FSTL4: variants seen among roughly 807,000 people sequenced by gnomAD.
The protein encoded by FSTL4 is follistatin like 4, also known as follistatin-related protein 4.
A neutral mutation model predicts 78.2 loss-of-function variants in FSTL4; 28 were observed. The ratio of observed to expected loss-of-function variants is 0.36; its 90% CI spans 0.27 to 0.49. The LOEUF is 0.49. Among genes scored for constraint, FSTL4 ranks in the 20% least tolerant of loss-of-function variants. The pLI is 0.98. For synonymous variants in FSTL4, 422 were observed against 440.5 expected (o/e 0.96, Z 0.53); for missense variants, 922 against 1,084.9 (o/e 0.85, Z 2.11).
intron 8 of FSTL4, among the ~76,000 whole-genome samples, chr5:133,228,720 CAATA>C (rs1751404627): frequency 6.6e-6 from 1 of 150,634 alleles, no homozygotes; most frequent in African/African-American, 2.4e-5. Context: ...GAAAATCCCT[CAATA>C]AAATAGGAAC....
At chr5:133,221,909 T>TTG (rs1751134600) in intron 11 of FSTL4, among the ~76,000 whole-genome samples, 1 of 114,460 alleles carries the variant, frequency 8.7e-6, no homozygotes, top group African/African-American at 4.4e-5. Flanking sequence ...TTTTTTTTTT[T>TTG]TTTTTTTTTT....
chr5:133,703,416 CTG>C, the FSTL4 span, among the ~76,000 whole-genome samples: 1 of 152,182 alleles, frequency 6.6e-6, no homozygotes, highest in African/African-American at 2.4e-5. Flanking sequence ...TCTCTGTGGA[CTG>C]TCACTTAGAC....
At chr5:133,702,492 T>C in the FSTL4 span, among the ~76,000 whole-genome samples, 1 of 151,504 alleles carries the variant, frequency 6.6e-6, no homozygotes, top group Non-Finnish European at 1.5e-5. Context: ...GCCCCCGGAG[T>C]CCGGGGGCTT....
At chr5:133,463,369 C>T (rs1459127051) in intron 3 of FSTL4, among the ~76,000 whole-genome samples, 2 of 152,184 alleles carry the variant, frequency 1.3e-5, no homozygotes, top group African/African-American at 4.8e-5. Flanking sequence ...GTTCCCCACC[C>T]CCTACACCAA....
chr5:133,691,329 A>G, the FSTL4 span, among the ~76,000 whole-genome samples: 4 of 152,118 alleles, frequency 2.6e-5, no homozygotes, highest in Non-Finnish European at 5.9e-5. Flanking sequence ...GAAACAATGT[A>G]TCTCTAATGT....
chr5:133,697,701 G>A, the FSTL4 span, among the ~76,000 whole-genome samples: 1 of 152,206 alleles, frequency 6.6e-6, no homozygotes, highest in Non-Finnish European at 1.5e-5. Context: ...GCAGGCTCTG[G>A]CCCTCAGAGG....
chr5:133,636,148 T>C, the FSTL4 span, among the ~76,000 whole-genome samples: 33 of 152,290 alleles, frequency 2.2e-4, no homozygotes, highest in South Asian at 6.4e-3. Context: ...GTAGAAGATA[T>C]TTACTGGCTT....
chr5:133,419,853 A>G (rs1177132362), intron 3 of FSTL4, among the ~76,000 whole-genome samples: 1 of 152,196 alleles, frequency 6.6e-6, no homozygotes, highest in Non-Finnish European at 1.5e-5. Flanking sequence ...TGTATTTCCT[A>G]ATGACTGATG....
chr5:133,639,969 A>G, the FSTL4 span, among the ~76,000 whole-genome samples: 2 of 152,224 alleles, frequency 1.3e-5, no homozygotes, highest in Non-Finnish European at 2.9e-5. Flanking sequence ...AAGAAAAGAA[A>G]GACTCTGCAC....
intron 3 of FSTL4, among the ~76,000 whole-genome samples, chr5:133,418,801 G>C (rs1756633627): frequency 6.6e-6 from 1 of 152,158 alleles, no homozygotes; most frequent in Non-Finnish European, 1.5e-5. Context: ...CAATTTGAAA[G>C]GTTTCGACAT....
intron 14 of FSTL4, among the ~76,000 whole-genome samples, chr5:133,208,680 CTTTTTTTG>C (rs1485156723): frequency 6.6e-6 from 1 of 151,964 alleles, no homozygotes; most frequent in Non-Finnish European, 1.5e-5. Flanking sequence ...ATGCATTTTT[CTTTTTTTG>C]TTTTTTGAGA....
chr5:133,789,410 A>G, the FSTL4 span, among the ~76,000 whole-genome samples: 2 of 152,216 alleles, frequency 1.3e-5, no homozygotes, highest in African/African-American at 4.8e-5. Context: ...TCTTCCAGCA[A>G]TTCTCTCTGG....
At chr5:133,787,079 G>A in the FSTL4 span, among the ~76,000 whole-genome samples, 1 of 152,144 alleles carries the variant, frequency 6.6e-6, no homozygotes, top group Non-Finnish European at 1.5e-5. Context: ...CAAACTTGAT[G>A]TCCCAGGAAC....
intron 3 of FSTL4, among the ~76,000 whole-genome samples, chr5:133,522,727 G>T (rs1044174095): frequency 4.6e-5 from 7 of 152,114 alleles, no homozygotes; most frequent in African/African-American, 1.7e-4. Context: ...CAGGGCTGAG[G>T]GGCTTCAACA....
intron 4 of FSTL4, among the ~76,000 whole-genome samples, chr5:133,392,935 C>T (rs1465119346): frequency 6.6e-6 from 1 of 152,234 alleles, no homozygotes; most frequent in Non-Finnish European, 1.5e-5. Context: ...TACAGCAGTT[C>T]TGTGGAGCAC....
At chr5:133,783,502 C>T in the FSTL4 span, among the ~76,000 whole-genome samples, 3 of 152,200 alleles carry the variant, frequency 2.0e-5, no homozygotes, top group East Asian at 3.8e-4. Flanking sequence ...AACAAACACA[C>T]GGCCTCACAT....
intron 3 of FSTL4, among the ~76,000 whole-genome samples, chr5:133,450,906 C>T (rs1399222482): frequency 2.0e-5 from 3 of 152,070 alleles, no homozygotes; most frequent in Admixed American, 1.3e-4. Context: ...TGGACAAGAC[C>T]CAGACCCCAG....
chr5:133,481,193 G>C (rs2112858272), intron 3 of FSTL4, among the ~76,000 whole-genome samples: 1 of 152,252 alleles, frequency 6.6e-6, no homozygotes, highest in South Asian at 2.1e-4. Flanking sequence ...TTTAACTCTT[G>C]GTTGGCGTTA....
chr5:133,497,919 C>T (rs1758403413), intron 3 of FSTL4, among the ~76,000 whole-genome samples: 1 of 152,152 alleles, frequency 6.6e-6, no homozygotes, highest in African/African-American at 2.4e-5. Flanking sequence ...CTGCTGAACG[C>T]ATACTAAGTG....
Sources: gnomAD v4.1 joint callset for allele counts (sites outside exome capture counted in the v4.1 genomes callset) on GRCh38, gnomAD v4.1.1 for gene constraint, MANE v1.5 for transcripts, NCBI Gene and HGNC (gene_info 2026-07-23, HGNC 2026-07-21) for gene names.